The following MAP2K5 variants were observed in gnomAD, a reference collection of about 807,000 sequenced individuals.
MAP2K5 encodes dual specificity mitogen-activated protein kinase kinase 5.
MAP2K5 carries 49 observed loss-of-function variants against 83.1 expected under a neutral mutation model. That is an observed-to-expected ratio of 0.59 (90% CI 0.47 to 0.75). MAP2K5 has a LOEUF of 0.75. Ranked by LOEUF, MAP2K5 falls within the 30% of genes least tolerant of loss-of-function variation. The pLI is 0.00. For synonymous variants in MAP2K5, 202 were observed against 191.8 expected (o/e 1.05, Z -0.44); for missense variants, 457 against 557.5 (o/e 0.82, Z 1.82).
chr15:67,800,262 T>C (rs985479335), intron 21 of MAP2K5, among the ~76,000 whole-genome samples: 5 of 152,218 alleles, frequency 3.3e-5, no homozygotes, highest in Admixed American at 3.3e-4. Context: ...GTGGAACATG[T>C]TTTATTATGT....
At chr15:67,642,609 C>T (rs757729383) in intron 9 of MAP2K5, 312 of 723,996 alleles carry the variant, frequency 4.3e-4, no homozygotes, top group Non-Finnish European at 6.7e-4. Flanking sequence ...GTACAGGAAA[C>T]AGCAGGAGCA....
In MAP2K5 at chr15:67,572,302, C is replaced by G. The variant is rs369949717; in HGVS notation, c.253-8452C>G. Among the ~76,000 whole-genome samples, 105 of 152,228 alleles carry G rather than the reference C, an allele frequency of 6.9e-4. No homozygotes were observed. Among genetic ancestry groups the G allele is most frequent in the African/African-American group, 2.5e-3 (103 of 41,546 alleles). ...GAAGGTGGGTTAGACCATGGAGGGC[C>G]TTAGCCCAGGGAAGTGACATGATCA... is the stretch of plus-strand genomic sequence containing the variant. On this transcript the variant is annotated intron_variant, in intron 3 of 21. Transcript: ENST00000178640. The surrounding 1 kb of genome is among the most constrained non-coding windows in gnomAD (Gnocchi z 4.2).
Position 67,577,645 on chromosome 15 carries a change from A to C in MAP2K5, c.253-3109A>C, listed in dbSNP as rs1740629759. Reference sequence around the variant, plus strand: ...TTATTTTATCACTATTTAGAACAAAATTGGAGAGAATCCCTTTAAAGGAAG... The same window carrying C: ...TTATTTTATCACTATTTAGAACAAACTTGGAGAGAATCCCTTTAAAGGAAG... On this transcript the variant is annotated intron_variant, in intron 3 of 21. Transcript: ENST00000178640. The surrounding 1 kb of genome is among the most constrained non-coding windows in gnomAD (Gnocchi z 4.1). Among the ~76,000 whole-genome samples the C allele has an allele frequency of 6.6e-6, 1 of 152,100 alleles. No individual in the cohort carries two copies. Among genetic ancestry groups the C allele is most frequent in the African/African-American group, 2.4e-5 (1 of 41,402 alleles).
intron 17 of MAP2K5, among the ~76,000 whole-genome samples, chr15:67,744,896 C>T (rs2089570182): frequency 6.6e-6 from 1 of 152,182 alleles, no homozygotes; most frequent in Non-Finnish European, 1.5e-5. Flanking sequence ...CAAGACCTAA[C>T]TGGTACTTGT....
chr15:67,592,798 G>T, intron 6 of MAP2K5, 128 bp from the exon 7 acceptor site: 8 of 641,626 alleles, frequency 1.2e-5, no homozygotes, highest in Non-Finnish European at 1.9e-5. Context: ...AATTTACATT[G>T]GGAGAAGGAT....
chr15:67,549,158 A>G, intron 1 of MAP2K5: 2 of 1,535,670 alleles, frequency 1.3e-6, no homozygotes, highest in Non-Finnish European at 1.7e-6. Context: ...TGAGGTTTGC[A>G]GGCCATTGGA....
intron 19 of MAP2K5, among the ~76,000 whole-genome samples, chr15:67,761,884 T>C (rs2089955994): frequency 6.6e-6 from 1 of 152,200 alleles, no homozygotes; most frequent in Non-Finnish European, 1.5e-5. Context: ...GAAATGCCAG[T>C]GTGTATATTA....
chr15:67,549,095 C>G, intron 1 of MAP2K5: 1 of 1,532,252 alleles, frequency 6.5e-7, no homozygotes, highest in Non-Finnish European at 8.7e-7. Context: ...CTGCCTGGTG[C>G]CAGTTCTGCT....
chr15:67,582,567 C>T (rs1345741876), intron 4 of MAP2K5, among the ~76,000 whole-genome samples: 1 of 152,112 alleles, frequency 6.6e-6, no homozygotes, highest in Non-Finnish European at 1.5e-5. Context: ...TGCCTGTAAT[C>T]TCAGCACTTT....
chr15:67,554,577 C>T (rs549576340), intron 2 of MAP2K5, among the ~76,000 whole-genome samples: 1 of 152,248 alleles, frequency 6.6e-6, no homozygotes, highest in African/African-American at 2.4e-5. Context: ...TGAGAAATGG[C>T]GTCTCTTCAA....
intron 12 of MAP2K5, among the ~76,000 whole-genome samples, chr15:67,660,440 G>A (rs1169375923): frequency 6.6e-6 from 1 of 152,100 alleles, no homozygotes; most frequent in African/African-American, 2.4e-5. Flanking sequence ...GCTGTGGTGT[G>A]TAAACTAAAT....
In MAP2K5 at chr15:67,807,043, A is replaced by C; in HGVS notation, c.*293A>C. ...GTCCCTGCCCACTTCTGTTTTCCTAATGTTTTTCTCTATAAAGGGTCAGGC... is the reference window on the plus strand; with the variant it reads ...GTCCCTGCCCACTTCTGTTTTCCTACTGTTTTTCTCTATAAAGGGTCAGGC... On this transcript the variant is annotated 3_prime_UTR_variant, in exon 22 of 22. Coordinates refer to ENST00000178640, the MANE Select transcript of MAP2K5 (RefSeq NM_145160.3). This position sits in a 1 kb window ranked among gnomAD's most constrained non-coding sequence, Gnocchi z 5.1. The C allele has an allele frequency of 1.7e-6, 2 of 1,195,880 alleles. No individual in the cohort carries two copies. The highest frequency in any genetic ancestry group is 1.1e-6 in the Non-Finnish European group (1 of 898,316). The allele number at this position is 1,195,880 out of a possible 1,614,324, so 74.1% of individuals were successfully genotyped here.
intron 3 of MAP2K5, among the ~76,000 whole-genome samples, chr15:67,578,386 G>A (rs2085108806): frequency 6.6e-6 from 1 of 152,146 alleles, no homozygotes; most frequent in Non-Finnish European, 1.5e-5. Flanking sequence ...TGTTCCTCAG[G>A]GGCCAGTTGT....
chr15:67,549,050 T>C, intron 1 of MAP2K5: 4 of 1,506,000 alleles, frequency 2.7e-6, no homozygotes, highest in Non-Finnish European at 3.5e-6. Flanking sequence ...GTGGGCTCCC[T>C]GCTGAGAAAT....
chr15:67,595,769 T>C (rs1477481920), intron 7 of MAP2K5, among the ~76,000 whole-genome samples: 3 of 152,340 alleles, frequency 2.0e-5, no homozygotes, highest in East Asian at 1.9e-4. Flanking sequence ...GCAAGTTTTA[T>C]TGAGAGCTAT....
rs1004053013 is a variant in MAP2K5, at chr15:67,780,054, G to C, written c.1242+7302G>C. On this transcript the variant is annotated intron_variant, in intron 21 of 21. Transcript: ENST00000178640. The surrounding 1 kb of genome is among the most constrained non-coding windows in gnomAD (Gnocchi z 5.0). ...TTCCCTACTCTTCGACTTTACAGTT[G>C]CTTGCTTCCTTCTCTGAAGCCCTTC... Among the ~76,000 whole-genome samples, 2 of 152,126 alleles carry C rather than the reference G, an allele frequency of 1.3e-5. No homozygotes were observed. Among genetic ancestry groups the C allele is most frequent in the African/African-American group, 4.8e-5 (2 of 41,418 alleles).
rs1271539728 is a variant in MAP2K5, at chr15:67,717,187, A to G, written c.1045-10729A>G. ...ACTGTGACTCTGCTGGTCAGTTAAG[A>G]CTGCTTTTCATAGGATTATACCTTA... On this transcript the variant is annotated intron_variant, in intron 16 of 21. Coordinates refer to ENST00000178640, the MANE Select transcript of MAP2K5 (RefSeq NM_145160.3). The surrounding 1 kb of genome is among the most constrained non-coding windows in gnomAD (Gnocchi z 4.1). 1.3e-5 allele frequency among the ~76,000 whole-genome samples: 2 copies of G among 152,208 alleles called. No homozygotes were observed. The highest frequency in any genetic ancestry group is 2.9e-5 in the Non-Finnish European group (2 of 68,042).
chr15:67,698,961 C>G lies in MAP2K5; in HGVS notation c.973-4376C>G, dbSNP rs540759676. On this transcript the variant is annotated intron_variant, in intron 15 of 21. Transcript: ENST00000178640. This position sits in a 1 kb window ranked among gnomAD's most constrained non-coding sequence, Gnocchi z 4.5. ...ATTACTACTATTATTTATTATTACT[C>G]TCTTCATTTTACAGATGAGGAAACC... 2.0e-5 allele frequency among the ~76,000 whole-genome samples: 3 copies of G among 152,262 alleles called. No homozygotes were observed. Among genetic ancestry groups the G allele is most frequent in the East Asian group, 1.9e-4 (1 of 5,190 alleles).
chr15:67,701,723 A>G (rs1314752409), intron 15 of MAP2K5, among the ~76,000 whole-genome samples: 7 of 152,160 alleles, frequency 4.6e-5, no homozygotes, highest in African/African-American at 1.7e-4. Flanking sequence ...CCCCACCCCT[A>G]GAGATTCTTA....
Sources: allele counts gnomAD v4.1 joint callset (sites outside exome capture counted in the v4.1 genomes callset), GRCh38; gene constraint gnomAD v4.1.1; non-coding constraint Gnocchi (gnomAD v3.1); transcripts MANE v1.5; gene names NCBI Gene and HGNC (gene_info 2026-07-23, HGNC 2026-07-21).